The following MAGI1 variants were observed in gnomAD, a reference collection of about 807,000 sequenced individuals.
The protein encoded by MAGI1 is membrane-associated guanylate kinase, WW and PDZ domain-containing protein 1.
A neutral mutation model predicts 139.9 loss-of-function variants in MAGI1; 58 were observed. The ratio of observed to expected loss-of-function variants is 0.41; its 90% CI spans 0.34 to 0.52. MAGI1 has a LOEUF of 0.52. MAGI1 is among the 20% of genes least tolerant of loss of function. The pLI, the probability that MAGI1 is intolerant of heterozygous loss-of-function variation, is 0.12. For missense variants in MAGI1, 1,874 were observed against 1,901.6 expected (o/e 0.99, Z 0.27); for synonymous variants, 812 against 737.9 (o/e 1.10, Z -1.63).
intron 1 of MAGI1, among the ~76,000 whole-genome samples, chr3:65,854,511 C>T (rs1365760404): frequency 1.3e-5 from 2 of 152,236 alleles, no homozygotes; most frequent in East Asian, 3.8e-4. Context: ...ATGCCAGCGT[C>T]TTCACAACCA....
chr3:65,941,775 T>C (rs2063326628), intron 1 of MAGI1, among the ~76,000 whole-genome samples: 1 of 152,204 alleles, frequency 6.6e-6, no homozygotes, highest in South Asian at 2.1e-4. Flanking sequence ...AGGAAAAGTA[T>C]TAACTTTCTG....
chr3:65,426,460 C>G (rs545222460), intron 12 of MAGI1, among the ~76,000 whole-genome samples: 54 of 152,324 alleles, frequency 3.5e-4, no homozygotes, highest in Middle Eastern at 3.4e-3. Flanking sequence ...ATGGCCCGTT[C>G]TTTAAAGCAT....
At chr3:65,954,806 G>A (rs2064035256) in intron 1 of MAGI1, among the ~76,000 whole-genome samples, 1 of 152,064 alleles carries the variant, frequency 6.6e-6, no homozygotes, top group African/African-American at 2.4e-5. Flanking sequence ...AGGGCTGCTG[G>A]GATATATACC....
chr3:65,917,838 A>C (rs1175567242), intron 1 of MAGI1, among the ~76,000 whole-genome samples: 2 of 152,224 alleles, frequency 1.3e-5, no homozygotes, highest in Non-Finnish European at 2.9e-5. Context: ...TCTGTATATT[A>C]TAATGGTGGA....
intron 4 of MAGI1, among the ~76,000 whole-genome samples, chr3:65,473,383 G>A (rs182203568): frequency 4.3e-4 from 66 of 152,224 alleles, no homozygotes; most frequent in Admixed American, 2.4e-3. Context: ...CACATGCAAA[G>A]TGCCTGGCAC....
chr3:65,392,410 C>G (rs1943999083), intron 13 of MAGI1, among the ~76,000 whole-genome samples: 1 of 152,182 alleles, frequency 6.6e-6, no homozygotes, highest in African/African-American at 2.4e-5. Context: ...CACCATGTCA[C>G]TATACTTAGC....
At chr3:65,379,050 G>A (rs1424333028) in intron 17 of MAGI1, 1 of 976,034 alleles carries the variant, frequency 1.0e-6, no homozygotes, top group East Asian at 2.6e-5. Flanking sequence ...TTCTCAGTGT[G>A]GAAGTTGAAA....
At chr3:65,361,082 G>A in intron 22 of MAGI1, 117 bp downstream of exon 22, 1 of 1,595,650 alleles carries the variant, frequency 6.3e-7, no homozygotes, top group East Asian at 2.2e-5. Context: ...TGGTGCGAGA[G>A]GCTGGTAAGA....
intron 1 of MAGI1, among the ~76,000 whole-genome samples, chr3:65,835,339 A>C (rs1313230829): frequency 1.3e-5 from 2 of 152,352 alleles, no homozygotes; most frequent in East Asian, 1.9e-4. Flanking sequence ...TTATATGATA[A>C]GGACGTTAAA....
At chr3:65,801,669 A>T (rs1331871362) in intron 1 of MAGI1, among the ~76,000 whole-genome samples, 2 of 152,256 alleles carry the variant, frequency 1.3e-5, no homozygotes, top group Non-Finnish European at 2.9e-5. Flanking sequence ...ACTCTTTAAA[A>T]AATGCAGATA....
At chr3:65,792,058 T>TAA (rs201257215) in intron 1 of MAGI1, among the ~76,000 whole-genome samples, 1 of 151,944 alleles carries the variant, frequency 6.6e-6, no homozygotes, top group Non-Finnish European at 1.5e-5. Flanking sequence ...ATACTTCTGA[T>TAA]AAAAAAATCA....
chr3:65,831,301 A>G (rs1020092160), intron 1 of MAGI1, among the ~76,000 whole-genome samples: 1 of 152,240 alleles, frequency 6.6e-6, no homozygotes, highest in Non-Finnish European at 1.5e-5. Flanking sequence ...GAAGATGAAC[A>G]GGGCCACCTG....
intron 1 of MAGI1, among the ~76,000 whole-genome samples, chr3:65,775,463 A>AAAT (rs1553705202): frequency 1.9e-4 from 22 of 112,958 alleles, no homozygotes; most frequent in Non-Finnish European, 2.6e-4. Flanking sequence ...AAAAAAAAAA[A>AAAT]TTTTTTTAAG....
At chr3:65,790,461 G>C (rs1469007181) in intron 1 of MAGI1, among the ~76,000 whole-genome samples, 1 of 152,160 alleles carries the variant, frequency 6.6e-6, no homozygotes, top group African/African-American at 2.4e-5. Context: ...CAACCCCTTT[G>C]AAGTCCAGTA....
intron 1 of MAGI1, among the ~76,000 whole-genome samples, chr3:65,763,837 G>A (rs1161321903): frequency 1.3e-5 from 2 of 151,984 alleles, no homozygotes; most frequent in African/African-American, 2.4e-5. Flanking sequence ...TTGGGAGGCT[G>A]AGGCGGGAGG....
At chr3:65,593,683 G>A (rs146577735) in intron 2 of MAGI1, among the ~76,000 whole-genome samples, 3 of 152,210 alleles carry the variant, frequency 2.0e-5, no homozygotes, top group African/African-American at 4.8e-5. Context: ...ACTGCATAAG[G>A]TCAAAGTTCT....
chr3:65,923,412 A>G (rs2062327636), intron 1 of MAGI1, among the ~76,000 whole-genome samples: 1 of 151,854 alleles, frequency 6.6e-6, no homozygotes, highest in Non-Finnish European at 1.5e-5. Context: ...TTTTTAGTAG[A>G]GATGGGGTTT....
At chr3:65,898,936 T>G (rs2061100503) in intron 1 of MAGI1, among the ~76,000 whole-genome samples, 1 of 152,214 alleles carries the variant, frequency 6.6e-6, no homozygotes, top group Non-Finnish European at 1.5e-5. Context: ...AAAATTTTTT[T>G]TTGAGACTTG....
At chr3:65,396,444 C>A (rs1944401014) in intron 13 of MAGI1, among the ~76,000 whole-genome samples, 1 of 152,166 alleles carries the variant, frequency 6.6e-6, no homozygotes, top group African/African-American at 2.4e-5. Flanking sequence ...GATTCCCTTA[C>A]TTACTGTCAG....
Sources: gnomAD v4.1 joint callset for allele counts (sites outside exome capture counted in the v4.1 genomes callset) on GRCh38, gnomAD v4.1.1 for gene constraint, MANE v1.5 for transcripts, NCBI Gene and HGNC (gene_info 2026-07-23, HGNC 2026-07-21) for gene names.